The following PAK1IP1 variants were observed in gnomAD, a reference collection of about 807,000 sequenced individuals.
The protein encoded by PAK1IP1 is p21-activated protein kinase-interacting protein 1.
Under a neutral mutation model 42.0 loss-of-function variants are expected in PAK1IP1, and 24 were observed. The observed-to-expected ratio is 0.57, with a 90% CI of 0.41 to 0.80. The LOEUF (loss-of-function observed/expected upper bound fraction) is 0.80, where lower values mean the gene tolerates loss of function less well. PAK1IP1 is among the 30% of genes least tolerant of loss of function. The pLI is 0.00. For missense variants in PAK1IP1, 411 were observed against 467.9 expected (o/e 0.88, Z 1.12); for synonymous variants, 154 against 156.7 (o/e 0.98, Z 0.13).
Position 10,697,414 on chromosome 6 carries a change from AG to A in PAK1IP1, c.176del (p.Ser59ThrfsTer11). Reference sequence around the variant, plus strand: ...AAATAGTCGTTTTGTGGTCACTGGGAGCAAAGATGAAACAATTCACATTTAT... The same window carrying A: ...AAATAGTCGTTTTGTGGTCACTGGGACAAAGATGAAACAATTCACATTTAT... ...AVNSRFVVTG[S>X]KDETIHIYDM... On this transcript the variant is annotated frameshift_variant, in exon 2 of 10. Coordinates refer to ENST00000379568, the MANE Select transcript of PAK1IP1 (RefSeq NM_017906.3). LOFTEE classifies it high-confidence loss of function. The A allele has an allele frequency of 6.2e-7, 1 of 1,614,038 alleles. No homozygotes were observed. The highest frequency in any genetic ancestry group is 1.3e-5 in the African/African-American group (1 of 75,040).
At chr6:10,699,870 C>T (rs910139550) in intron 2 of PAK1IP1, among the ~76,000 whole-genome samples, 2 of 152,074 alleles carry the variant, frequency 1.3e-5, no homozygotes, top group African/African-American at 4.8e-5. Context: ...ATTTATTTCT[C>T]ACAGTTGTAG....
chr6:10,706,036 G>C (rs1770194304), intron 7 of PAK1IP1, among the ~76,000 whole-genome samples: 1 of 152,114 alleles, frequency 6.6e-6, no homozygotes, highest in Admixed American at 6.6e-5. Context: ...AGTATTTAAT[G>C]ATGAACAGAA....
At chr6:10,691,237 C>A (rs1374461815), upstream of PAK1IP1, among the ~76,000 whole-genome samples, 1 of 152,198 alleles carries the variant, frequency 6.6e-6, no homozygotes, top group Non-Finnish European at 1.5e-5. Flanking sequence ...CAAAACCCCT[C>A]AGCCAGCGAG....
At chr6:10,694,253 T>TC (rs1327494617), upstream of PAK1IP1, among the ~76,000 whole-genome samples, 3 of 82,324 alleles carry the variant, frequency 3.6e-5, no homozygotes, top group African/African-American at 2.0e-4. Flanking sequence ...AGAGCGAAAC[T>TC]CCGTCTCAAA....
intron 1 of PAK1IP1, among the ~76,000 whole-genome samples, chr6:10,695,439 A>C (rs997916962): frequency 3.9e-5 from 6 of 152,304 alleles, no homozygotes; most frequent in African/African-American, 1.4e-4. Context: ...GAATTTTACA[A>C]ATTACTAGAA....
Position 10,702,399 on chromosome 6 carries a change from A to G in PAK1IP1, c.278A>G (p.Asn93Ser). 1.9e-6 allele frequency: 3 copies of G among 1,613,610 alleles called. No homozygotes were observed. The highest frequency in any genetic ancestry group is 2.5e-6 in the Non-Finnish European group (3 of 1,179,508). ...ATAACTTGCCTGAAATTCTATGGCA[A>G]CAGGCATTTAATCAGTGGAGCGGAA... ...GTITCLKFYG[N>S]RHLISGAEDG... is the part of the protein sequence containing the mutation. The change falls in exon 3 of 10, where the codon AAC (asparagine) becomes AGC (serine). Residue 93 changes from asparagine to serine, a missense_variant. Physicochemically the swap from Asn to Ser is conservative, Grantham distance 46 (BLOSUM62 1). Coordinates refer to ENST00000379568, the MANE Select transcript of PAK1IP1 (RefSeq NM_017906.3).
At chr6:10,708,369 A>C (rs540893125) in intron 8 of PAK1IP1, among the ~76,000 whole-genome samples, 1 of 152,052 alleles carries the variant, frequency 6.6e-6, no homozygotes, top group Non-Finnish European at 1.5e-5. Context: ...TTAGTACTTC[A>C]CTACTTTTTA....
rs765436907 is a variant in PAK1IP1 at position 10,707,555 on chromosome 6, T to C, written c.840+41T>C. ...CAATCTAAATGTACTTTAATACAAG[T>C]CTTGCTCATAAGTGAGGTGGAATTT... On this transcript the variant is annotated intron_variant, in intron 8 of 9. Transcript: ENST00000379568. 9.7e-6 allele frequency: 12 copies of C among 1,240,332 alleles called. No individual in the cohort carries two copies. In the East Asian group the frequency reaches 2.8e-4, roughly 29 times the overall value. The allele number at this position is 1,240,332 out of a possible 1,614,324, so 76.8% of individuals were successfully genotyped here. A position where few individuals can be genotyped will look rare whatever the true frequency, so the allele number is the denominator to read the frequency against.
At chr6:10,703,091 CA>C (rs1380024643) in intron 4 of PAK1IP1, among the ~76,000 whole-genome samples, 1 of 152,156 alleles carries the variant, frequency 6.6e-6, no homozygotes, top group African/African-American at 2.4e-5. Flanking sequence ...AGGCGTGAGC[CA>C]CCACGCCCAG....
intron 2 of PAK1IP1, among the ~76,000 whole-genome samples, chr6:10,701,021 T>G (rs1163214592): frequency 1.3e-5 from 2 of 152,134 alleles, no homozygotes; most frequent in African/African-American, 4.8e-5. Context: ...TGTGTTGTTT[T>G]TCCCCTGTGT....
intron 1 of PAK1IP1, among the ~76,000 whole-genome samples, chr6:10,696,438 T>C (rs1333365646): frequency 6.6e-6 from 1 of 152,172 alleles, no homozygotes; most frequent in Non-Finnish European, 1.5e-5. Context: ...CAAATACTTT[T>C]TGATGCAGTT....
intron 7 of PAK1IP1, 79 bp downstream of exon 7, chr6:10,704,923 A>G: frequency 1.2e-6 from 1 of 864,830 alleles, no homozygotes; most frequent in South Asian, 1.3e-5. Flanking sequence ...GCCAGGTTAT[A>G]TGTTTTTATT....
At chr6:10,695,107 G>A (rs1276415467) in intron 1 of PAK1IP1, 38 bp downstream of exon 1, 1 of 1,402,426 alleles carries the variant, frequency 7.1e-7, no homozygotes, top group Non-Finnish European at 1.0e-6. Context: ...CGGAGGCGGG[G>A]CCGGGAAGGT....
At chr6:10,708,904 AAG>A (rs776307170) in intron 8 of PAK1IP1, 47 bp from the exon 9 acceptor site, 131 of 1,485,926 alleles carry the variant, frequency 8.8e-5, no homozygotes, top group Non-Finnish European at 1.1e-4. Flanking sequence ...ATTATGGAAA[AAG>A]AAATTATTGA....
At position 10,707,487 on chromosome 6, in the gene PAK1IP1, C is replaced by A; in HGVS notation, c.813C>A (p.Ile271=). The A allele has an allele frequency of 6.2e-7, 1 of 1,607,766 alleles. No homozygotes were observed. The highest frequency in any genetic ancestry group is 8.5e-7 in the Non-Finnish European group (1 of 1,174,188). Residue 271 remains isoleucine (I), a synonymous_variant, in exon 8 of 10, where the codon ATC becomes ATA. Transcript: ENST00000379568. ...VIVSASSDGF[I]KMWKLKQDKK... is the part of the protein sequence containing the mutation. ...TTTCAGCATCGAGTGATGGTTTCATCAAAATGTGGAAGCTTAAGCAGGATA... is the reference window on the plus strand; with the variant it reads ...TTTCAGCATCGAGTGATGGTTTCATAAAAATGTGGAAGCTTAAGCAGGATA...
chr6:10,698,958 T>C (rs1180659582), intron 2 of PAK1IP1, among the ~76,000 whole-genome samples: 8 of 152,058 alleles, frequency 5.3e-5, no homozygotes, highest in Admixed American at 2.0e-4. Context: ...CCCAGCACTT[T>C]GGGAGGCCGA....
intron 8 of PAK1IP1, 79 bp downstream of exon 8, chr6:10,707,593 T>G: frequency 2.6e-5 from 22 of 834,122 alleles, no homozygotes; most frequent in Non-Finnish European, 4.0e-5. Flanking sequence ...TTAAGGGTCA[T>G]AAGACATAGG....
At chr6:10,702,793 TTTTC>T (rs1203816968) in intron 4 of PAK1IP1, among the ~76,000 whole-genome samples, 154 bp downstream of exon 4, 4 of 151,970 alleles carry the variant, frequency 2.6e-5, no homozygotes. Flanking sequence ...ACAAGCTCTG[TTTTC>T]TTTCTTTTTT....
At chr6:10,695,209 A>C (rs1769768178) in intron 1 of PAK1IP1, 140 bp downstream of exon 1, 1 of 608,506 alleles carries the variant, frequency 1.6e-6, no homozygotes, top group Non-Finnish European at 2.9e-6. Flanking sequence ...ACTTAAGAGA[A>C]AAGCTAACCT....
Sources: gnomAD v4.1 joint callset for allele counts (sites outside exome capture counted in the v4.1 genomes callset) on GRCh38, gnomAD v4.1.1 for gene constraint, MANE v1.5 for transcripts, NCBI Gene and HGNC (gene_info 2026-07-23, HGNC 2026-07-21) for gene names.